Variants in PYGO1 observed in about 807,000 individuals in gnomAD.
PYGO1 encodes pygopus homolog 1.
PYGO1 carries 6 observed loss-of-function variants against 29.5 expected under a neutral mutation model. The observed-to-expected ratio is 0.20, with a 90% CI of 0.11 to 0.40. The LOEUF is 0.40. Among genes scored for constraint, PYGO1 ranks in the 10% least tolerant of loss-of-function variants. The pLI, the probability that PYGO1 is intolerant of heterozygous loss-of-function variation, is 1.00. For synonymous variants in PYGO1, 186 were observed against 180.5 expected (o/e 1.03, Z -0.24); for missense variants, 515 against 514.9 (o/e 1.00, Z 0.00).
At chr15:55,560,652 C>T (rs74415573) in intron 1 of PYGO1, among the ~76,000 whole-genome samples, 5 of 152,162 alleles carry the variant, frequency 3.3e-5, no homozygotes, top group African/African-American at 1.2e-4. Context: ...CTACCATTGA[C>T]ATTCTTCACA....
intron 1 of PYGO1, among the ~76,000 whole-genome samples, chr15:55,555,056 C>A (rs943991374): frequency 6.6e-6 from 1 of 151,874 alleles, no homozygotes; most frequent in Non-Finnish European, 1.5e-5. Context: ...GATACATAAT[C>A]ATCAGATTCT....
At chr15:55,580,554 T>A (rs148675963) in intron 1 of PYGO1, among the ~76,000 whole-genome samples, 63 of 152,172 alleles carry the variant, frequency 4.1e-4, no homozygotes, top group Non-Finnish European at 8.2e-4. Context: ...AACAACTCCA[T>A]GAGATAAGTA....
At chr15:55,561,945 T>C (rs995284328) in intron 1 of PYGO1, among the ~76,000 whole-genome samples, 1 of 151,678 alleles carries the variant, frequency 6.6e-6, no homozygotes, top group Non-Finnish European at 1.5e-5. Context: ...AATGTTTGCC[T>C]TCTGACAAAG....
intron 1 of PYGO1, among the ~76,000 whole-genome samples, chr15:55,557,742 C>A (rs182315111): frequency 6.6e-6 from 1 of 152,238 alleles, no homozygotes; most frequent in Admixed American, 6.5e-5. Flanking sequence ...AAGACAAAAA[C>A]CACATGATTA....
At chr15:55,564,272 T>C (rs763623382) in intron 1 of PYGO1, among the ~76,000 whole-genome samples, 87 of 152,278 alleles carry the variant, frequency 5.7e-4, no homozygotes, top group Non-Finnish European at 1.0e-3. Flanking sequence ...TGCTACAACA[T>C]GGATGAACCT....
chr15:55,564,564 C>T (rs2058947007), intron 1 of PYGO1, among the ~76,000 whole-genome samples: 1 of 152,142 alleles, frequency 6.6e-6, no homozygotes, highest in African/African-American at 2.4e-5. Flanking sequence ...AGCAGATCTG[C>T]AGCCCAGGGG....
In PYGO1 at chr15:55,568,445, T is replaced by C. The variant is rs186109984; in HGVS notation, c.49+19390A>G. 2.8e-4 allele frequency among the ~76,000 whole-genome samples: 42 copies of C among 152,116 alleles called. No homozygotes were observed. In the East Asian group the frequency reaches 7.9e-3, roughly 29 times the overall value. ...TGAAATGGTACCAGTTTTTGAACGT[T>C]GATTTTGTATCTTGAAACCTTGCTA... On this transcript the variant is annotated intron_variant, in intron 1 of 2. Coordinates refer to ENST00000563719, the MANE Select transcript of PYGO1 (RefSeq NM_001367806.1).
chr15:55,579,325 T>C (rs528547735), intron 1 of PYGO1, among the ~76,000 whole-genome samples: 1 of 152,184 alleles, frequency 6.6e-6, no homozygotes, highest in Non-Finnish European at 1.5e-5. Flanking sequence ...GTCTTAGAAG[T>C]CAAATAATAA....
At position 55,570,430 on chromosome 15, in the gene PYGO1, C is replaced by T. The variant is rs1018058198; in HGVS notation, c.49+17405G>A. 6.6e-5 allele frequency among the ~76,000 whole-genome samples: 10 copies of T among 151,868 alleles called. 1 individual carries two copies. Among genetic ancestry groups the T allele is most frequent in the Non-Finnish European group, 1.2e-4 (8 of 67,996 alleles). On this transcript the variant is annotated intron_variant, in intron 1 of 2. Coordinates refer to ENST00000563719, the MANE Select transcript of PYGO1 (RefSeq NM_001367806.1). ...AACTAGTCATTTTCAATCTTGGCTG[C>T]ATGTTGGAATCACTTGGGAGCTAAT...
intron 1 of PYGO1, among the ~76,000 whole-genome samples, chr15:55,561,073 C>T (rs544656808): frequency 6.8e-4 from 104 of 152,256 alleles, no homozygotes; most frequent in South Asian, 1.9e-3. Context: ...ATCACACTAC[C>T]TAGCTTCAAA....
At chr15:55,567,109 C>G (rs71476732) in intron 1 of PYGO1, among the ~76,000 whole-genome samples, 1 of 146,296 alleles carries the variant, frequency 6.8e-6, no homozygotes, top group African/African-American at 2.5e-5. Context: ...TTGCATTTCT[C>G]TGATTAGTGA....
chr15:55,587,293 C>G (rs2059051364), intron 1 of PYGO1, among the ~76,000 whole-genome samples: 2 of 151,772 alleles, frequency 1.3e-5, no homozygotes, highest in Non-Finnish European at 2.9e-5. Context: ...CATAAACCAA[C>G]AGAGAAAATG....
At chr15:55,561,381 T>A (rs2058932058) in intron 1 of PYGO1, among the ~76,000 whole-genome samples, 1 of 152,212 alleles carries the variant, frequency 6.6e-6, no homozygotes, top group Non-Finnish European at 1.5e-5. Flanking sequence ...GAAACAGGTT[T>A]AATTGACTCA....
intron 1 of PYGO1, among the ~76,000 whole-genome samples, chr15:55,552,931 A>C (rs2058886137): frequency 6.6e-6 from 1 of 152,156 alleles, no homozygotes; most frequent in African/African-American, 2.4e-5. Context: ...CTCCCAAGTT[A>C]AGATCCACTG....
chr15:55,568,320 C>CTGTGTGTGTGTGTGTGTGTGTGTGTGTG (rs58177433), intron 1 of PYGO1, among the ~76,000 whole-genome samples: 1 of 125,828 alleles, frequency 7.9e-6, no homozygotes, highest in African/African-American at 3.2e-5. Flanking sequence ...TTCCTAGGTA[C>CTGTGTGTGTGTGTGTGTGTGTGTGTGTG]TGTGTGTGTG....
chr15:55,573,394 A>G (rs2141670647), intron 1 of PYGO1, among the ~76,000 whole-genome samples: 1 of 152,298 alleles, frequency 6.6e-6, no homozygotes, highest in East Asian at 1.9e-4. Context: ...TGCTGGTGGG[A>G]ATGTAAGTTG....
Position 55,548,963 on chromosome 15 carries a change from G to A in PYGO1, c.82C>T (p.Pro28Ser). 6.2e-7 allele frequency: 1 copy of A among 1,611,120 alleles called. No homozygotes were observed. Among genetic ancestry groups the A allele is most frequent in the Non-Finnish European group, 8.5e-7 (1 of 1,178,922 alleles). The change falls in exon 2 of 3, where the codon CCA (proline) becomes TCA (serine). Residue 28 changes from proline (P) to serine (S), a missense_variant. Transcript: ENST00000563719. ...TCTGGGCTTCCTAGTTGTACACCTG[G>A]TCCTCCTAACCCATCCAGTCCACTA... ...GDSGLDGLGG[P>S]GVQLGSPDKK...
chr15:55,551,603 C>T (rs1168318405), intron 1 of PYGO1, among the ~76,000 whole-genome samples: 1 of 151,918 alleles, frequency 6.6e-6, no homozygotes, highest in Non-Finnish European at 1.5e-5. Flanking sequence ...TGAGACCAGC[C>T]TGGAAAACAC....
intron 1 of PYGO1, among the ~76,000 whole-genome samples, chr15:55,581,193 C>A (rs898063367): frequency 6.6e-6 from 1 of 151,884 alleles, no homozygotes; most frequent in African/African-American, 2.4e-5. Flanking sequence ...TGGGAGATTT[C>A]AACTGAACTG....
Sources: gnomAD v4.1 joint callset for allele counts (sites outside exome capture counted in the v4.1 genomes callset) on GRCh38, gnomAD v4.1.1 for gene constraint, MANE v1.5 for transcripts, NCBI Gene and HGNC (gene_info 2026-07-23, HGNC 2026-07-21) for gene names.